The following NOSTRIN variants were observed in gnomAD, a reference collection of about 807,000 sequenced individuals.
NOSTRIN encodes the protein BM247 homolog.
Under a neutral mutation model 59.0 loss-of-function variants are expected in NOSTRIN, and 63 were observed. The ratio of observed to expected loss-of-function variants is 1.07; its 90% CI spans 0.87 to 1.32. The LOEUF is 1.32. Among genes scored for constraint, NOSTRIN ranks in the 40% most tolerant of loss-of-function variants. The pLI is 0.00. For missense variants in NOSTRIN, 512 were observed against 473.1 expected (o/e 1.08, Z -0.76); for synonymous variants, 200 against 165.4 (o/e 1.21, Z -1.61).
At chr2:168,787,933 T>C (rs1685247480) in exon 2 of NOSTRIN, 1 of 152,122 alleles carries the variant, frequency 6.6e-6, no homozygotes, top group Non-Finnish European at 1.5e-5. Flanking sequence ...GCAAAGAACT[T>C]AGTCCAAGCT....
rs2105755188 is a variant in NOSTRIN at position 168,851,149 on chromosome 2, A to C, written c.696A>C (p.Gln232His). The C allele has an allele frequency of 6.2e-7, 1 of 1,611,190 alleles. No individual in the cohort carries two copies. The highest frequency in any genetic ancestry group is 2.2e-5 in the East Asian group (1 of 44,858). ...LLCNNLNQYSQHISLFGQTLT... is the reference protein window; with the variant it reads ...LLCNNLNQYSHHISLFGQTLT... Reference sequence around the variant, plus strand: ...GCAATAACTTAAACCAGTACAGCCAACATATTTCTCTTTTTGGCCAAACCC... The same window carrying C: ...GCAATAACTTAAACCAGTACAGCCACCATATTTCTCTTTTTGGCCAAACCC... Residue 232 changes from glutamine to histidine, a missense_variant, in exon 9 of 16, where the codon CAA (glutamine) becomes CAC (histidine). Coordinates refer to ENST00000317647, the MANE Select transcript of NOSTRIN (RefSeq NM_001039724.4).
upstream of NOSTRIN, among the ~76,000 whole-genome samples, chr2:168,797,034 C>T (rs1434241988): frequency 2.0e-5 from 3 of 150,944 alleles, no homozygotes; most frequent in African/African-American, 7.3e-5. Context: ...GGGAGGCAGA[C>T]CATTGAACTC....
At position 168,834,541 on chromosome 2, in the gene NOSTRIN, A is replaced by C. The variant is rs77259705; in HGVS notation, c.504+216A>C. On this transcript the variant is annotated intron_variant, in intron 7 of 15. Transcript: ENST00000317647. ...CACACACACACACACACACACACAC[A>C]CCACATACATTTTAAACTTTATTTT... 7.9e-3 allele frequency among the ~76,000 whole-genome samples: 1,116 copies of C among 140,406 alleles called. 13 individuals carry two copies. Among genetic ancestry groups the C allele is most frequent in the South Asian group, 0.024 (102 of 4,310 alleles). 92.1% of individuals were successfully genotyped at this position (140,406 alleles called of 152,430 possible). A position where few individuals can be genotyped will look rare whatever the true frequency, so the allele number is the denominator to read the frequency against.
At chr2:168,840,516 C>G (rs1397372987) in intron 7 of NOSTRIN, among the ~76,000 whole-genome samples, 3 of 107,102 alleles carry the variant, frequency 2.8e-5, no homozygotes, top group Non-Finnish European at 5.2e-5. Flanking sequence ...GGGGACAGGG[C>G]GAGACTCCAT....
At chr2:168,814,399 A>G (rs1686295800) in intron 2 of NOSTRIN, among the ~76,000 whole-genome samples, 1 of 152,258 alleles carries the variant, frequency 6.6e-6, no homozygotes, top group South Asian at 2.1e-4. Context: ...TACATTGGAT[A>G]GAAGGCAGAT....
chr2:168,804,316 T>C (rs748182518), intron 1 of NOSTRIN, among the ~76,000 whole-genome samples: 23 of 152,180 alleles, frequency 1.5e-4, no homozygotes, highest in Non-Finnish European at 2.8e-4. Flanking sequence ...TCTAAAACTT[T>C]GAAGGTCATC....
intron 1 of NOSTRIN, among the ~76,000 whole-genome samples, chr2:168,805,663 ACAGT>A (rs1409336854): frequency 6.6e-6 from 1 of 152,156 alleles, no homozygotes; most frequent in Non-Finnish European, 1.5e-5. Flanking sequence ...TGGGCGCCAC[ACAGT>A]CAGCCCCTCC....
chr2:168,844,831 C>T (rs1688314008), intron 8 of NOSTRIN, among the ~76,000 whole-genome samples: 1 of 150,986 alleles, frequency 6.6e-6, no homozygotes, highest in Non-Finnish European at 1.5e-5. Context: ...GATCATGCCA[C>T]TGCACACTAG....
chr2:168,831,928 C>T (rs1574292559), intron 6 of NOSTRIN, among the ~76,000 whole-genome samples: 1 of 152,296 alleles, frequency 6.6e-6, no homozygotes, highest in East Asian at 1.9e-4. Context: ...GTTCCAGGGT[C>T]ACTGCTCTTA....
intron 8 of NOSTRIN, among the ~76,000 whole-genome samples, chr2:168,847,313 A>AT (rs539847259): frequency 3.8e-4 from 58 of 152,290 alleles, no homozygotes; most frequent in African/African-American, 1.3e-3. Context: ...TTTAAAATGT[A>AT]TTTTTTGTGG....
chr2:168,857,865 G>A (rs921702326), intron 12 of NOSTRIN, among the ~76,000 whole-genome samples: 3 of 152,202 alleles, frequency 2.0e-5, no homozygotes, highest in South Asian at 2.1e-4. Context: ...GGTGAAAGAA[G>A]ACAGATGCAG....
chr2:168,830,688 A>G (rs140796206), intron 5 of NOSTRIN, among the ~76,000 whole-genome samples: 9 of 152,338 alleles, frequency 5.9e-5, no homozygotes, highest in African/African-American at 1.9e-4. Flanking sequence ...AAAGCAAGGG[A>G]AAAAGTTAAT....
chr2:168,825,810 TAAG>T (rs2105620327), intron 3 of NOSTRIN, among the ~76,000 whole-genome samples: 1 of 152,264 alleles, frequency 6.6e-6, no homozygotes, highest in Admixed American at 6.5e-5. Context: ...ATGAAAGAGA[TAAG>T]AAGGGGAAAG....
intron 1 of NOSTRIN, among the ~76,000 whole-genome samples, chr2:168,809,791 G>A (rs1274954890): frequency 6.7e-6 from 1 of 149,690 alleles, no homozygotes; most frequent in East Asian, 1.9e-4. Flanking sequence ...ATAATAAAAA[G>A]TTAGTTTTAT....
At chr2:168,845,735 A>G (rs1688375051) in intron 8 of NOSTRIN, among the ~76,000 whole-genome samples, 2 of 151,136 alleles carry the variant, frequency 1.3e-5, no homozygotes, top group Admixed American at 6.6e-5. Context: ...TTCAAAAGGC[A>G]TCTTTCAACT....
intron 3 of NOSTRIN, among the ~76,000 whole-genome samples, chr2:168,827,936 A>G (rs915851419): frequency 1.3e-4 from 20 of 152,092 alleles, no homozygotes; most frequent in Admixed American, 1.1e-3. Flanking sequence ...ATGAAAATCT[A>G]AATGAAAAAT....
At chr2:168,789,403 G>C (rs748686146) in intron 2 of NOSTRIN, among the ~76,000 whole-genome samples, 1 of 152,222 alleles carries the variant, frequency 6.6e-6, no homozygotes, top group African/African-American at 2.4e-5. Flanking sequence ...CTGCAGGCAA[G>C]AGGGCTTGTA....
At chr2:168,816,732 T>C (rs546018942) in intron 2 of NOSTRIN, among the ~76,000 whole-genome samples, 1 of 152,268 alleles carries the variant, frequency 6.6e-6, no homozygotes, top group Admixed American at 6.5e-5. Flanking sequence ...GCACTGTAAT[T>C]CTCTGTTCAC....
intron 2 of NOSTRIN, among the ~76,000 whole-genome samples, chr2:168,815,077 G>A (rs1326327944): frequency 6.6e-6 from 1 of 152,136 alleles, no homozygotes; most frequent in Non-Finnish European, 1.5e-5. Flanking sequence ...ATTAGCACTT[G>A]GATACCAGAG....
Sources: gnomAD v4.1 joint callset for allele counts (sites outside exome capture counted in the v4.1 genomes callset) on GRCh38, gnomAD v4.1.1 for gene constraint, MANE v1.5 for transcripts, NCBI Gene and HGNC (gene_info 2026-07-23, HGNC 2026-07-21) for gene names.